Variants in STK17A observed in about 807,000 individuals in gnomAD.
STK17A encodes serine/threonine kinase 17a.
In STK17A, 26 loss-of-function variants were observed where a neutral mutation model predicts 43.7. The ratio of observed to expected loss-of-function variants is 0.60; its 90% CI spans 0.44 to 0.83. STK17A has a LOEUF of 0.83. Ranked by LOEUF, STK17A falls within the 40% of genes least tolerant of loss-of-function variation. The pLI is 0.00. For missense variants in STK17A, 476 were observed against 511.6 expected (o/e 0.93, Z 0.67); for synonymous variants, 191 against 182.5 (o/e 1.05, Z -0.38).
chr7:43,592,428 A>G (rs1341068727), intron 1 of STK17A, among the ~76,000 whole-genome samples: 1 of 152,284 alleles, frequency 6.6e-6, no homozygotes, highest in East Asian at 1.9e-4. Context: ...TTCCACATTT[A>G]TATTACTAAT....
chr7:43,605,304 G>C (rs1257855219), intron 2 of STK17A, among the ~76,000 whole-genome samples: 1 of 152,144 alleles, frequency 6.6e-6, no homozygotes. Context: ...AGTATGTTTT[G>C]GCAGTCATTT....
chr7:43,592,166 C>T (rs1321960417), intron 1 of STK17A, among the ~76,000 whole-genome samples: 2 of 151,606 alleles, frequency 1.3e-5, no homozygotes, highest in East Asian at 3.8e-4. Context: ...CAATTGTTTT[C>T]TGTCTTAAAA....
intron 3 of STK17A, 105 bp from the exon 4 acceptor site, chr7:43,619,492 A>T: frequency 7.2e-7 from 1 of 1,384,686 alleles, no homozygotes. Context: ...TTACTGTTAA[A>T]TTCCTCAGTC....
At chr7:43,612,621 T>C (rs2082977055) in intron 3 of STK17A, among the ~76,000 whole-genome samples, 1 of 152,256 alleles carries the variant, frequency 6.6e-6, no homozygotes, top group South Asian at 2.1e-4. Flanking sequence ...GGGAAACTCC[T>C]GTCCCTGTGA....
At position 43,595,287 on chromosome 7, in the gene STK17A, T is replaced by TC. The variant is rs397975933; in HGVS notation, c.207-608dup. 7.7e-4 allele frequency among the ~76,000 whole-genome samples: 101 copies of TC among 131,536 alleles called. 3 individuals carry two copies. The Middle Eastern group carries it at 0.016, about 21-fold the overall frequency. 86.3% of individuals were successfully genotyped at this position (131,536 alleles called of 152,430 possible). The stretch of plus-strand genomic sequence containing the variant: ...AATGGCTTTTTTTTTTTTTTTTTTT[T>TC]CCCCCCTGGAGACAGAGTCTCACTC... On this transcript the variant is annotated intron_variant, in intron 1 of 6. Transcript: ENST00000319357.
chr7:43,613,119 A>T (rs1056952813), intron 3 of STK17A, among the ~76,000 whole-genome samples: 4 of 152,082 alleles, frequency 2.6e-5, no homozygotes, highest in African/African-American at 9.7e-5. Context: ...CTTAAAATCT[A>T]TTGCTCTTTT....
chr7:43,585,399 T>A (rs76345597), intron 1 of STK17A, among the ~76,000 whole-genome samples: 50 of 151,056 alleles, frequency 3.3e-4, no homozygotes, highest in African/African-American at 1.0e-3. Flanking sequence ...CAACTTTTGT[T>A]TTAAACTCCA....
At chr7:43,587,159 T>G (rs1243994634) in intron 1 of STK17A, among the ~76,000 whole-genome samples, 1 of 142,076 alleles carries the variant, frequency 7.0e-6, no homozygotes, top group Non-Finnish European at 1.6e-5. Context: ...TTTTTGTTTT[T>G]TTTTTTTTTT....
intron 4 of STK17A, among the ~76,000 whole-genome samples, chr7:43,620,794 G>T (rs2083807236): frequency 6.6e-6 from 1 of 152,200 alleles, no homozygotes; most frequent in South Asian, 2.1e-4. Flanking sequence ...TCAAGAAGCT[G>T]TGAAGGTAGG....
chr7:43,603,181 T>C (rs1234974526), intron 2 of STK17A, among the ~76,000 whole-genome samples: 8 of 152,204 alleles, frequency 5.3e-5, no homozygotes, highest in Non-Finnish European at 1.0e-4. Context: ...ATTATTCTCT[T>C]GCTTAGAAAC....
intron 3 of STK17A, among the ~76,000 whole-genome samples, chr7:43,612,452 T>C (rs2082962773): frequency 6.6e-6 from 1 of 152,266 alleles, no homozygotes; most frequent in Non-Finnish European, 1.5e-5. Flanking sequence ...TCTTGGTCTC[T>C]AGAAGCGTTT....
chr7:43,624,895 A>ATT lies in STK17A; in HGVS notation c.*55_*56dup. ...TTTCTACATTGAAAATGTTAATATTATTTATGGACCTCTGGCCAAATGGTA... is the reference window on the plus strand; with the variant it reads ...TTTCTACATTGAAAATGTTAATATTATTTTTATGGACCTCTGGCCAAATGGTA... On this transcript the variant is annotated 3_prime_UTR_variant, in exon 7 of 7. Coordinates refer to ENST00000319357, the MANE Select transcript of STK17A (RefSeq NM_004760.3). The ATT allele has an allele frequency of 6.8e-7, 1 of 1,466,430 alleles. No individual in the cohort carries two copies. The highest frequency in any genetic ancestry group is 9.2e-7 in the Non-Finnish European group (1 of 1,088,806). The allele number at this position is 1,466,430 out of a possible 1,614,324, so 90.8% of individuals were successfully genotyped here. A position where few individuals can be genotyped will look rare whatever the true frequency, so the allele number is the denominator to read the frequency against.
intron 1 of STK17A, 64 bp downstream of exon 1, chr7:43,583,513 A>AT: frequency 8.2e-7 from 1 of 1,215,914 alleles, no homozygotes; most frequent in Non-Finnish European, 1.0e-6. Context: ...GTGGGCGCCG[A>AT]TAAGTGCCGG....
intron 2 of STK17A, among the ~76,000 whole-genome samples, chr7:43,598,904 AG>A (rs1282116456): frequency 6.6e-6 from 1 of 151,960 alleles, no homozygotes; most frequent in Non-Finnish European, 1.5e-5. Context: ...CTGGGATTAC[AG>A]GTGCACACCA....
chr7:43,593,675 T>G (rs959168694), intron 1 of STK17A, among the ~76,000 whole-genome samples: 1 of 151,098 alleles, frequency 6.6e-6, no homozygotes, highest in Non-Finnish European at 1.5e-5. Flanking sequence ...TGCTGCTCTT[T>G]TGAAAAAATG....
chr7:43,583,139 T>G lies in STK17A; in HGVS notation c.-105T>G. On this transcript the variant is annotated 5_prime_UTR_variant, in exon 1 of 7. Coordinates refer to ENST00000319357, the MANE Select transcript of STK17A (RefSeq NM_004760.3). ...CGAGCGCCGCGCTGGGGAGAGCGGG[T>G]GTTTGAAGGCTCCGCGGACCGGCAC... The G allele has an allele frequency of 2.5e-6, 3 of 1,212,304 alleles. No individual in the cohort carries two copies. Among genetic ancestry groups the G allele is most frequent in the Non-Finnish European group, 3.4e-6 (3 of 874,600 alleles). 75.1% of individuals were successfully genotyped at this position (1,212,304 alleles called of 1,614,324 possible).
intron 2 of STK17A, among the ~76,000 whole-genome samples, chr7:43,598,833 G>A (rs1038672807): frequency 9.3e-5 from 14 of 151,102 alleles, no homozygotes; most frequent in Admixed American, 5.9e-4. Flanking sequence ...GCATGATCTC[G>A]GCTCACCGCA....
chr7:43,623,931 A>T, intron 6 of STK17A, 43 bp downstream of exon 6: 2 of 1,292,834 alleles, frequency 1.5e-6, no homozygotes, highest in Non-Finnish European at 2.0e-6. Flanking sequence ...CTAATTCAAT[A>T]TTAAAAAATT....
At chr7:43,583,522 G>GTTGAA in intron 1 of STK17A, 73 bp downstream of exon 1, 1 of 1,186,514 alleles carries the variant, frequency 8.4e-7, no homozygotes, top group Non-Finnish European at 1.1e-6. Context: ...GATAAGTGCC[G>GTTGAA]GCGCCGCGGC....
Sources: gnomAD v4.1 joint callset for allele counts (sites outside exome capture counted in the v4.1 genomes callset) on GRCh38, gnomAD v4.1.1 for gene constraint, MANE v1.5 for transcripts, NCBI Gene and HGNC (gene_info 2026-07-23, HGNC 2026-07-21) for gene names.